TRAK2: variants seen among roughly 807,000 people sequenced by gnomAD.
TRAK2 encodes the protein trafficking kinesin protein 2.
Under a neutral mutation model 104.6 loss-of-function variants are expected in TRAK2, and 81 were observed. That is an observed-to-expected ratio of 0.77 (90% CI 0.65 to 0.93). TRAK2 has a LOEUF of 0.93. TRAK2 is among the 40% of genes least tolerant of loss of function. The pLI is 0.00. For missense variants in TRAK2, 1,002 were observed against 1,089.0 expected, an observed-to-expected ratio of 0.92 and a Z score of 1.12; for synonymous variants, 406 against 394.4, an observed-to-expected ratio of 1.03 and a Z score of -0.35.
At chr2:201,390,045 A>G (rs369895179) in intron 10 of TRAK2, among the ~76,000 whole-genome samples, 165 bp from the exon 11 acceptor site, 51 of 152,374 alleles carry the variant, frequency 3.3e-4, no homozygotes, top group African/African-American at 1.1e-3. Flanking sequence ...AATAAGAACC[A>G]ACTACCTTTT....
At chr2:201,389,229 A>G (rs1576506791) in intron 12 of TRAK2, 71 bp downstream of exon 12, 1 of 1,392,140 alleles carries the variant, frequency 7.2e-7, no homozygotes, top group East Asian at 2.3e-5. Context: ...TAATGCTGGA[A>G]TGTGCGTATG....
intron 13 of TRAK2, among the ~76,000 whole-genome samples, chr2:201,387,488 A>G (rs1199894376): frequency 2.0e-5 from 3 of 152,240 alleles, no homozygotes; most frequent in Non-Finnish European, 4.4e-5. Context: ...AAACATCAGA[A>G]GAGAACTGCT....
chr2:201,381,642 A>G (rs1951346371), intron 15 of TRAK2, among the ~76,000 whole-genome samples: 2 of 152,354 alleles, frequency 1.3e-5, no homozygotes, highest in African/African-American at 2.4e-5. Context: ...AGATACATTG[A>G]GACAATAATC....
At chr2:201,431,346 A>G (rs1329809063) in intron 1 of TRAK2, among the ~76,000 whole-genome samples, 1 of 152,260 alleles carries the variant, frequency 6.6e-6, no homozygotes, top group Non-Finnish European at 1.5e-5. Flanking sequence ...TGGAGGTCAG[A>G]AAAATGAAAA....
chr2:201,421,142 AAAGT>A (rs2125654860), intron 1 of TRAK2, among the ~76,000 whole-genome samples: 1 of 152,340 alleles, frequency 6.6e-6, no homozygotes, highest in African/African-American at 2.4e-5. Context: ...ATAACTGTTT[AAAGT>A]AATACACTAA....
chr2:201,398,390 AT>A, intron 5 of TRAK2, 36 bp from the exon 6 acceptor site: 4 of 1,556,810 alleles, frequency 2.6e-6, no homozygotes, highest in Non-Finnish European at 3.5e-6. Flanking sequence ...CATGTTCTTT[AT>A]TTTGCATTAT....
In TRAK2 at chr2:201,447,257, C is replaced by T. The variant is rs960217603; in HGVS notation, c.-200+4093G>A. ...CCTAATCCAGCCCCAGCCTAGTCTC[C>T]AGTTTCATTTCTCTCAACATTTATC... is the stretch of plus-strand genomic sequence containing the variant. On this transcript the variant is annotated intron_variant, in intron 1 of 15. Coordinates refer to ENST00000332624, the MANE Select transcript of TRAK2 (RefSeq NM_015049.3). This position sits in a 1 kb window ranked among gnomAD's most constrained non-coding sequence, Gnocchi z 4.1. 1.3e-5 allele frequency among the ~76,000 whole-genome samples: 2 copies of T among 152,214 alleles called. No homozygotes were observed. Among genetic ancestry groups the T allele is most frequent in the Admixed American group, 1.3e-4 (2 of 15,280 alleles).
chr2:201,380,957 T>C lies in TRAK2; in HGVS notation c.2331A>G (p.Pro777=). ...LPKSLAIPST[P]PNSPSHSPCP... is the part of the protein sequence containing the mutation. ...AAGGTGAGTGAGATGGTGAATTTGG[T>C]GGTGTGGAAGGGATAGCCAGGGATT... The change falls in exon 16 of 16, where the codon CCA becomes CCG. Residue 777 remains proline, a synonymous_variant. Transcript: ENST00000332624. 1 of 1,613,964 alleles carries C rather than the reference T, an allele frequency of 6.2e-7. No individual in the cohort carries two copies. The highest frequency in any genetic ancestry group is 1.6e-4 in the Middle Eastern group (1 of 6,062).
At chr2:201,396,272 G>C (rs1175698544) in intron 7 of TRAK2, among the ~76,000 whole-genome samples, 1 of 152,156 alleles carries the variant, frequency 6.6e-6, no homozygotes, top group Non-Finnish European at 1.5e-5. Flanking sequence ...AAGTGTAAAA[G>C]GTGGGTAATG....
intron 3 of TRAK2, among the ~76,000 whole-genome samples, chr2:201,402,586 G>A (rs989483977): frequency 1.3e-5 from 2 of 152,150 alleles, no homozygotes; most frequent in Non-Finnish European, 2.9e-5. Context: ...GATAAGGGAA[G>A]CAGACTTTTG....
intron 1 of TRAK2, among the ~76,000 whole-genome samples, chr2:201,441,777 C>T (rs769176458): frequency 1.9e-4 from 29 of 151,452 alleles, no homozygotes; most frequent in Admixed American, 3.3e-4. Context: ...CTGCAACCTC[C>T]GTCTCCCGGG....
chr2:201,410,385 T>C (rs1951635217), intron 2 of TRAK2, among the ~76,000 whole-genome samples: 2 of 152,074 alleles, frequency 1.3e-5, no homozygotes, highest in Non-Finnish European at 2.9e-5. Context: ...CTCAACTGGT[T>C]AGAAGTCCAT....
chr2:201,436,832 AG>A (rs61194949), intron 1 of TRAK2, among the ~76,000 whole-genome samples: 29 of 152,354 alleles, frequency 1.9e-4, no homozygotes, highest in African/African-American at 6.5e-4. Flanking sequence ...CAGTGGCACC[AG>A]GACGTGCAAT....
At chr2:201,384,677 C>G (rs1348585204) in intron 14 of TRAK2, among the ~76,000 whole-genome samples, 1 of 152,132 alleles carries the variant, frequency 6.6e-6, no homozygotes, top group Non-Finnish European at 1.5e-5. Context: ...AAATTGATGG[C>G]TCCTCAGCAC....
chr2:201,439,752 C>G (rs189650245), intron 1 of TRAK2, among the ~76,000 whole-genome samples: 12 of 150,286 alleles, frequency 8.0e-5, no homozygotes, highest in African/African-American at 2.9e-4. Flanking sequence ...TACTATGCAG[C>G]CATAAAAAAT....
Position 201,420,663 on chromosome 2 carries a change from AAC to A in TRAK2, c.-158_-157del. 1 of 615,180 alleles carries A rather than the reference AAC, an allele frequency of 1.6e-6. No individual in the cohort carries two copies. Among genetic ancestry groups the A allele is most frequent in the Non-Finnish European group, 2.9e-6 (1 of 345,514 alleles). The allele number at this position is 615,180 out of a possible 1,614,324, so 38.1% of individuals were successfully genotyped here. ...TGATGAGTCAAATGACATCCGTAGC[AAC>A]GAGCACTCTCATGTGATTATCATAC... On this transcript the variant is annotated 5_prime_UTR_variant, in exon 2 of 16. The change abolishes the stop of an existing upstream ORF in the 5' untranslated region. Transcript: ENST00000332624.
intron 2 of TRAK2, among the ~76,000 whole-genome samples, chr2:201,416,943 G>A (rs1162434700): frequency 2.6e-5 from 4 of 151,990 alleles, no homozygotes; most frequent in African/African-American, 7.2e-5. Context: ...CTCAACTAAA[G>A]TGATAATTAC....
rs1951519746 is a variant in TRAK2 at position 201,398,239 on chromosome 2, T to G, written c.596A>C (p.Glu199Ala). 6.2e-7 allele frequency: 1 copy of G among 1,613,800 alleles called. No homozygotes were observed. Among genetic ancestry groups the G allele is most frequent in the Admixed American group, 1.7e-5 (1 of 59,998 alleles). ...CAACCCTTGAGATAAGCTAAAGGAC[T>G]CATTGAACCGAAGAGGTGTAGAACA... ...SSCSTPLRFN[E>A]SFSLSQGLLQ... Residue 199 changes from glutamate to alanine, a missense_variant, in exon 6 of 16, where the codon GAG becomes GCG. Physicochemically the swap from Glu to Ala is moderately radical, Grantham distance 107 (BLOSUM62 -1). Coordinates refer to ENST00000332624, the MANE Select transcript of TRAK2 (RefSeq NM_015049.3).
intron 1 of TRAK2, among the ~76,000 whole-genome samples, chr2:201,433,812 C>T (rs1329035276): frequency 6.6e-6 from 1 of 152,204 alleles, no homozygotes; most frequent in Non-Finnish European, 1.5e-5. Flanking sequence ...GAACTCCTAA[C>T]CTTCACCTTT....
Sources: allele counts gnomAD v4.1 joint callset (sites outside exome capture counted in the v4.1 genomes callset), GRCh38; gene constraint gnomAD v4.1.1; non-coding constraint Gnocchi (gnomAD v3.1); transcripts MANE v1.5; gene names NCBI Gene and HGNC (gene_info 2026-07-23, HGNC 2026-07-21).